PPFIBP1: variants seen among roughly 807,000 people sequenced by gnomAD.
PPFIBP1 encodes the protein liprin-beta-1.
PPFIBP1 carries 112 observed loss-of-function variants against 137.8 expected under a neutral mutation model. That is an observed-to-expected ratio of 0.81 (90% CI 0.70 to 0.95). The LOEUF is 0.95. Among genes scored for constraint, PPFIBP1 ranks in the 40% least tolerant of loss-of-function variants. The pLI is 0.00. For synonymous variants in PPFIBP1, 378 were observed against 417.3 expected (o/e 0.91, Z 1.15); for missense variants, 1,083 against 1,196.6 (o/e 0.91, Z 1.40).
rs142146691 is a variant in PPFIBP1, at chr12:27,570,845, A to G, written c.-123-7307A>G. Reference sequence around the variant, plus strand: ...GGAGAATGGCGTGAACCCGGGAGGCAGAGCTTGCAGTTAGCCGAGATGGCA... The same window carrying G: ...GGAGAATGGCGTGAACCCGGGAGGCGGAGCTTGCAGTTAGCCGAGATGGCA... On this transcript the variant is annotated intron_variant, in intron 1 of 29. Coordinates refer to ENST00000228425, the MANE Select transcript of PPFIBP1 (RefSeq NM_003622.4). 4.5e-3 allele frequency among the ~76,000 whole-genome samples: 681 copies of G among 152,226 alleles called. 5 individuals are homozygous for G. The highest frequency in any genetic ancestry group is 0.015 in the African/African-American group (638 of 41,542).
At chr12:27,623,217 A>G (rs2056499431) in intron 2 of PPFIBP1, among the ~76,000 whole-genome samples, 1 of 152,220 alleles carries the variant, frequency 6.6e-6, no homozygotes, top group Non-Finnish European at 1.5e-5. Flanking sequence ...TAACAAGTTG[A>G]AACAGACCCG....
At chr12:27,527,557 A>T (rs772115481) in intron 1 of PPFIBP1, among the ~76,000 whole-genome samples, 1 of 152,146 alleles carries the variant, frequency 6.6e-6, no homozygotes, top group Non-Finnish European at 1.5e-5. Flanking sequence ...CTTTTCAAAG[A>T]TGTTATTACG....
At chr12:27,553,813 C>A (rs969582143) in intron 1 of PPFIBP1, among the ~76,000 whole-genome samples, 1 of 152,202 alleles carries the variant, frequency 6.6e-6, no homozygotes, top group African/African-American at 2.4e-5. Flanking sequence ...AGCCAACGAT[C>A]AAATGGTTCC....
intron 2 of PPFIBP1, among the ~76,000 whole-genome samples, chr12:27,604,930 G>C (rs748034973): frequency 3.3e-5 from 5 of 152,204 alleles, no homozygotes; most frequent in Non-Finnish European, 5.9e-5. Flanking sequence ...GAGAGAGCTT[G>C]TGCAGGGAAA....
At chr12:27,539,428 T>G (rs530734990) in intron 1 of PPFIBP1, among the ~76,000 whole-genome samples, 1 of 152,364 alleles carries the variant, frequency 6.6e-6, no homozygotes, top group South Asian at 2.1e-4. Flanking sequence ...TACTAGTTTG[T>G]TCTGTGGAGA....
At chr12:27,655,224 G>T in intron 8 of PPFIBP1, 1 of 1,529,912 alleles carries the variant, frequency 6.5e-7, no homozygotes, top group South Asian at 1.2e-5. Context: ...ACAAAAATGG[G>T]AGTCACTGAA....
In PPFIBP1 at chr12:27,634,998, T is replaced by C. The variant is rs749934453; in HGVS notation, c.153T>C (p.Leu51=). The C allele has an allele frequency of 3.1e-6, 5 of 1,614,170 alleles. No individual in the cohort carries two copies. The highest frequency in any genetic ancestry group is 1.3e-5 in the African/African-American group (1 of 75,066). Residue 51 remains leucine (L), a synonymous_variant, in exon 4 of 30, where the codon CTT becomes CTC. Transcript: ENST00000228425. ...TGGGAAGTTTGCGAGCTCTGCACCT[T>C]GTGGAAGACCTGCGTGGATTGTTAG... is the stretch of plus-strand genomic sequence containing the variant. ...PFMGSLRALH[L]VEDLRGLLEM... is the part of the protein sequence containing the mutation.
chr12:27,599,898 C>T (rs1161564290), intron 2 of PPFIBP1, among the ~76,000 whole-genome samples: 1 of 152,102 alleles, frequency 6.6e-6, no homozygotes, highest in Non-Finnish European at 1.5e-5. Context: ...GAAGGAACCA[C>T]TAAATGGAAT....
intron 1 of PPFIBP1, among the ~76,000 whole-genome samples, chr12:27,565,713 C>T (rs951977479): frequency 1.3e-5 from 2 of 152,202 alleles, no homozygotes; most frequent in African/African-American, 2.4e-5. Flanking sequence ...AAGGGGTCTA[C>T]GTTCATTGCT....
intron 20 of PPFIBP1, 122 bp from the exon 21 acceptor site, chr12:27,679,811 A>G: frequency 7.2e-7 from 1 of 1,393,620 alleles, no homozygotes; most frequent in Non-Finnish European, 9.8e-7. Context: ...TTAAATTTAA[A>G]TGTCTATGTT....
Position 27,682,601 on chromosome 12 carries a change from C to A in PPFIBP1, c.2159-14C>A, listed in dbSNP as rs2060940581. 2 of 1,613,750 alleles carry A rather than the reference C, an allele frequency of 1.2e-6. No individual in the cohort carries two copies. Among genetic ancestry groups the A allele is most frequent in the African/African-American group, 1.3e-5 (1 of 74,890 alleles). On this transcript the variant is annotated splice_polypyrimidine_tract_variant and intron_variant, in intron 23 of 29. Transcript: ENST00000228425. ...TTTTGTGGCATGGTAGCAACACTGG[C>A]CTCTCTCTTTTAGGATGGTTGGATG...
At chr12:27,610,573 C>A (rs1365315950) in intron 2 of PPFIBP1, among the ~76,000 whole-genome samples, 1 of 152,178 alleles carries the variant, frequency 6.6e-6, no homozygotes, top group Non-Finnish European at 1.5e-5. Flanking sequence ...TTATTTGAGT[C>A]CTGGCAGCAG....
At chr12:27,595,884 AAAATATATAT>A (rs1565837747) in intron 2 of PPFIBP1, among the ~76,000 whole-genome samples, 24 of 55,604 alleles carry the variant, frequency 4.3e-4, no homozygotes, top group African/African-American at 9.3e-4. Context: ...CAACAACAAC[AAAATATATAT>A]ATATATATAT....
chr12:27,539,298 A>G (rs1383252856), intron 1 of PPFIBP1, among the ~76,000 whole-genome samples: 1 of 152,212 alleles, frequency 6.6e-6, no homozygotes, highest in Non-Finnish European at 1.5e-5. Flanking sequence ...GAGTGGTGAC[A>G]GACTCACTGG....
intron 26 of PPFIBP1, among the ~76,000 whole-genome samples, 161 bp from the exon 27 acceptor site, chr12:27,688,854 G>A (rs2061348454): frequency 6.6e-6 from 1 of 152,198 alleles, no homozygotes; most frequent in South Asian, 2.1e-4. Context: ...GAAAAGATAT[G>A]TAAATTAAAG....
rs773071710 is a variant in PPFIBP1 at position 27,682,597 on chromosome 12, C to G, written c.2159-18C>G. ...GATGTTTTGTGGCATGGTAGCAACACTGGCCTCTCTCTTTTAGGATGGTTG... is the reference window on the plus strand; with the variant it reads ...GATGTTTTGTGGCATGGTAGCAACAGTGGCCTCTCTCTTTTAGGATGGTTG... On this transcript the variant is annotated intron_variant, in intron 23 of 29. Transcript: ENST00000228425. 6 of 1,613,854 alleles carry G rather than the reference C, an allele frequency of 3.7e-6. No individual in the cohort carries two copies. The highest frequency in any genetic ancestry group is 5.1e-6 in the Non-Finnish European group (6 of 1,179,740).
chr12:27,525,022 G>GT (rs1041890069), intron 1 of PPFIBP1, among the ~76,000 whole-genome samples: 1 of 152,030 alleles, frequency 6.6e-6, no homozygotes, highest in African/African-American at 2.4e-5. Flanking sequence ...ATCTGGAGAG[G>GT]TTAGGATGGC....
chr12:27,601,623 G>T (rs546208117), intron 2 of PPFIBP1, among the ~76,000 whole-genome samples: 2 of 152,120 alleles, frequency 1.3e-5, no homozygotes, highest in Admixed American at 1.3e-4. Context: ...ACCTAGATTC[G>T]CCTCCAGAGT....
chr12:27,673,177 A>G lies in PPFIBP1; in HGVS notation c.1320-590A>G, dbSNP rs185523976. Among the ~76,000 whole-genome samples the G allele has an allele frequency of 9.2e-5, 14 of 152,336 alleles. No individual in the cohort carries two copies. In the East Asian group the frequency reaches 2.3e-3, roughly 25 times the overall value. ...TCAAGTTTTTAGTAACACCAGCTCT[A>G]TATAATTGAATATTAATTATGTGAA... is the stretch of plus-strand genomic sequence containing the variant. On this transcript the variant is annotated intron_variant, in intron 15 of 29. Transcript: ENST00000228425.
Sources: gnomAD v4.1 joint callset for allele counts (sites outside exome capture counted in the v4.1 genomes callset) on GRCh38, gnomAD v4.1.1 for gene constraint, MANE v1.5 for transcripts, NCBI Gene and HGNC (gene_info 2026-07-23, HGNC 2026-07-21) for gene names.